Variants in ZKSCAN2 observed in about 807,000 individuals in gnomAD.
ZKSCAN2 encodes the protein zinc finger protein with KRAB and SCAN domains 2.
Under a neutral mutation model 90.5 loss-of-function variants are expected in ZKSCAN2, and 38 were observed. The observed-to-expected ratio is 0.42, with a 90% CI of 0.32 to 0.55. ZKSCAN2 has a LOEUF of 0.55. Among genes scored for constraint, ZKSCAN2 ranks in the 20% least tolerant of loss-of-function variants. ZKSCAN2 has a pLI of 0.11. For synonymous variants in ZKSCAN2, 429 were observed against 421.6 expected (o/e 1.02, Z -0.22); for missense variants, 1,167 against 1,202.6 (o/e 0.97, Z 0.44).
At chr16:25,251,254 T>C (rs1226579259) in intron 4 of ZKSCAN2, among the ~76,000 whole-genome samples, 1 of 152,154 alleles carries the variant, frequency 6.6e-6, no homozygotes, top group African/African-American at 2.4e-5. Context: ...TATCTTATTA[T>C]AGCTTTGTGG....
chr16:25,257,264 A>G lies in ZKSCAN2; in HGVS notation c.-137T>C, dbSNP rs1963120464. ...ACGGCCAGGTCGGCAGGAACAGGGT[A>G]TTCCAGGCTGATTAATCAAATCTAT... On this transcript the variant is annotated 5_prime_UTR_variant, in exon 1 of 7. Coordinates refer to ENST00000328086, the MANE Select transcript of ZKSCAN2 (RefSeq NM_001012981.5). 1 of 1,481,564 alleles carries G rather than the reference A, an allele frequency of 6.7e-7. No individual in the cohort carries two copies. Among genetic ancestry groups the G allele is most frequent in the South Asian group, 1.4e-5 (1 of 71,260 alleles). The allele number at this position is 1,481,564 out of a possible 1,614,324, so 91.8% of individuals were successfully genotyped here.
chr16:25,250,233 C>T (rs1328930627), intron 4 of ZKSCAN2, among the ~76,000 whole-genome samples: 1 of 152,000 alleles, frequency 6.6e-6, no homozygotes, highest in Admixed American at 6.6e-5. Flanking sequence ...CGCTTGAACC[C>T]AGGAGGCAGA....
At chr16:25,243,743 T>C (rs1962887176) in intron 6 of ZKSCAN2, 42 bp downstream of exon 6, 1 of 1,009,814 alleles carries the variant, frequency 9.9e-7, no homozygotes, top group African/African-American at 2.9e-5. Context: ...AAATCACACT[T>C]ATTCCTCTTT....
At position 25,257,452 on chromosome 16, in the gene ZKSCAN2, G is replaced by A. The variant is rs976157045; in HGVS notation, c.-325C>T. The A allele has an allele frequency of 3.8e-6, 4 of 1,050,428 alleles. No homozygotes were observed. Among genetic ancestry groups the A allele is most frequent in the Non-Finnish European group, 4.6e-6 (4 of 873,636 alleles). 65.1% of individuals were successfully genotyped at this position (1,050,428 alleles called of 1,614,324 possible). A position where few individuals can be genotyped will look rare whatever the true frequency, so the allele number is the denominator to read the frequency against. On this transcript the variant is annotated 5_prime_UTR_variant, in exon 1 of 7. Transcript: ENST00000328086. ...GACTGGGAGAAAAATGAAGCAGGCT[G>A]AGGAAAGGCTGGGCGGAGGCGGACA...
At position 25,255,190 on chromosome 16, in the gene ZKSCAN2, G is replaced by A. The variant is rs762259113; in HGVS notation, c.586+16C>T. 10 of 1,590,456 alleles carry A rather than the reference G, an allele frequency of 6.3e-6. No individual in the cohort carries two copies. The highest frequency in any genetic ancestry group is 1.9e-5 in the Admixed American group (1 of 53,220). ...CCAGCCTCTGCACTAGGCGTGCTCC[G>A]AGTCTTCCCTCTTACCATTCTTGGG... On this transcript the variant is annotated intron_variant, in intron 2 of 6. Transcript: ENST00000328086.
At chr16:25,251,787 A>T in intron 4 of ZKSCAN2, 122 bp downstream of exon 4, 4 of 1,196,516 alleles carry the variant, frequency 3.3e-6, no homozygotes, top group Non-Finnish European at 4.7e-6. Context: ...AAGTGATTAC[A>T]CTAGACAATC....
chr16:25,242,906 G>A (rs1962875129), intron 6 of ZKSCAN2, among the ~76,000 whole-genome samples: 1 of 152,234 alleles, frequency 6.6e-6, no homozygotes, highest in African/African-American at 2.4e-5. Flanking sequence ...ACAGATAGAC[G>A]TGATAGTCTG....
intron 4 of ZKSCAN2, among the ~76,000 whole-genome samples, chr16:25,248,931 C>A (rs1962978000): frequency 6.6e-6 from 1 of 152,134 alleles, no homozygotes; most frequent in Non-Finnish European, 1.5e-5. Context: ...TCTATATACA[C>A]AAAGGAATAT....
intron 5 of ZKSCAN2, among the ~76,000 whole-genome samples, chr16:25,245,492 G>A (rs1048485848): frequency 6.6e-6 from 1 of 152,110 alleles, no homozygotes; most frequent in South Asian, 2.1e-4. Context: ...TAGGCTGGGT[G>A]CGGTGGCTCA....
Position 25,252,026 on chromosome 16 carries a change from TC to T in ZKSCAN2, c.687del (p.Asp231MetfsTer48). On this transcript the variant is annotated frameshift_variant, in exon 4 of 7. Transcript: ENST00000328086. LOFTEE classifies it high-confidence loss of function. ...AAGCCTCTGGCCACGTGGACATCTTTCACTGGTTCCTGTAATGACACTAACA... is the reference window on the plus strand; with the variant it reads ...AAGCCTCTGGCCACGTGGACATCTTTACTGGTTCCTGTAATGACACTAACA... The part of the protein sequence containing the change: ...TRLPAGSQEP[V>X]KDVHVARGFS... 1 of 1,614,110 alleles carries T rather than the reference TC, an allele frequency of 6.2e-7. No homozygotes were observed. The highest frequency in any genetic ancestry group is 8.5e-7 in the Non-Finnish European group (1 of 1,179,996).
At chr16:25,242,210 C>G (rs1179300325) in intron 6 of ZKSCAN2, among the ~76,000 whole-genome samples, 1 of 152,152 alleles carries the variant, frequency 6.6e-6, no homozygotes, top group Non-Finnish European at 1.5e-5. Flanking sequence ...CAACATTGTT[C>G]TGCGATTTGG....
chr16:25,243,854 T>C lies in ZKSCAN2; in HGVS notation c.1912A>G (p.Met638Val), dbSNP rs1962889634. The change falls in exon 6 of 7, where the codon ATG (methionine) becomes GTG (valine). Residue 638 changes from methionine to valine, a missense_variant. Transcript: ENST00000328086. ...TCTTGCACAATTTCCTCCTCGCTCA[T>C]TCTCTCACTGCAAGAGTCTTCTATT... Reference protein sequence around the residue: ...AVIEDSCSERMSEEEIVQEPE... With the variant: ...AVIEDSCSERVSEEEIVQEPE... 2 of 1,614,008 alleles carry C rather than the reference T, an allele frequency of 1.2e-6. No homozygotes were observed. The highest frequency in any genetic ancestry group is 1.7e-5 in the Admixed American group (1 of 59,996).
chr16:25,249,719 A>C (rs1962990386), intron 4 of ZKSCAN2, among the ~76,000 whole-genome samples: 1 of 152,244 alleles, frequency 6.6e-6, no homozygotes, highest in Non-Finnish European at 1.5e-5. Context: ...AAGGTTGTGG[A>C]GAAAAGGGAA....
Position 25,243,849 on chromosome 16 carries a change from G to A in ZKSCAN2, c.1917C>T (p.Ser639=), listed in dbSNP as rs142382871. 3.3e-3 allele frequency: 5,302 copies of A among 1,613,946 alleles called. 15 individuals are homozygous for A. Among genetic ancestry groups the A allele is most frequent in the Non-Finnish European group, 4.2e-3 (4,927 of 1,179,996 alleles). ...VIEDSCSERM[S]EEEIVQEPEF... is the part of the protein sequence containing the mutation. ...CTGGCTCTTGCACAATTTCCTCCTC[G>A]CTCATTCTCTCACTGCAAGAGTCTT... Residue 639 remains serine (S), a synonymous_variant, in exon 6 of 7, where the codon AGC becomes AGT. Transcript: ENST00000328086.
chr16:25,249,179 A>C (rs1962981799), intron 4 of ZKSCAN2, among the ~76,000 whole-genome samples: 1 of 152,244 alleles, frequency 6.6e-6, no homozygotes, highest in African/African-American at 2.4e-5. Context: ...AAAGGGTACA[A>C]AATTTCAGTT....
At chr16:25,254,939 G>A (rs1287950469) in intron 2 of ZKSCAN2, among the ~76,000 whole-genome samples, 3 of 151,408 alleles carry the variant, frequency 2.0e-5, no homozygotes, top group African/African-American at 7.3e-5. Flanking sequence ...GACCACAGGT[G>A]CACGCCAACA....
At chr16:25,256,607 G>A (rs773147785) in intron 1 of ZKSCAN2, 122 bp downstream of exon 1, 17 of 1,095,950 alleles carry the variant, frequency 1.6e-5, no homozygotes, top group Non-Finnish European at 2.1e-5. Flanking sequence ...CCCTTATAGG[G>A]TCTTTTATTA....
In ZKSCAN2 at chr16:25,238,261, A is replaced by G. The variant is rs1962798385; in HGVS notation, c.*1555T>C. 6.6e-6 allele frequency: 1 copy of G among 152,250 alleles called. No homozygotes were observed. Among genetic ancestry groups the G allele is most frequent in the Non-Finnish European group, 1.5e-5 (1 of 68,042 alleles). The allele number at this position is 152,250 out of a possible 1,614,324, so 9.4% of individuals were successfully genotyped here. Reference sequence around the variant, plus strand: ...GAGAAGAGCAAAATAATCACCCACAAACAGCCCTAACTCCGGTTCCCTTCC... The same window carrying G: ...GAGAAGAGCAAAATAATCACCCACAGACAGCCCTAACTCCGGTTCCCTTCC... On this transcript the variant is annotated 3_prime_UTR_variant, in exon 7 of 7. Coordinates refer to ENST00000328086, the MANE Select transcript of ZKSCAN2 (RefSeq NM_001012981.5).
In ZKSCAN2 at chr16:25,240,073, C is replaced by G; in HGVS notation, c.2647G>C (p.Gly883Arg). The G allele has an allele frequency of 6.2e-7, 1 of 1,614,024 alleles. No individual in the cohort carries two copies. Among genetic ancestry groups the G allele is most frequent in the Non-Finnish European group, 8.5e-7 (1 of 1,180,010 alleles). Residue 883 changes from glycine to arginine, a missense_variant, in exon 7 of 7, where the codon GGG becomes CGG. Transcript: ENST00000328086. ...HFSAHRRVHT[G>R]ENPYKCVDCE... ...TCCACACATTTGTAGGGATTCTCCC[C>G]AGTGTGAACTCTCCGGTGGGCGCTG...
Sources: allele counts gnomAD v4.1 joint callset (sites outside exome capture counted in the v4.1 genomes callset), GRCh38; gene constraint gnomAD v4.1.1; transcripts MANE v1.5; gene names NCBI Gene and HGNC (gene_info 2026-07-23, HGNC 2026-07-21).